RAD51B: variants seen among roughly 807,000 people sequenced by gnomAD.
RAD51B encodes DNA repair protein RAD51 homolog 2.
RAD51B carries 38 observed loss-of-function variants against 42.2 expected under a neutral mutation model. That is an observed-to-expected ratio of 0.90 (90% CI 0.70 to 1.18). The LOEUF is 1.18. Ranked by LOEUF, RAD51B falls within the 50% of genes most tolerant of loss-of-function variation. The pLI is 0.00. For synonymous variants in RAD51B, 154 were observed against 145.2 expected (o/e 1.06, Z -0.43); for missense variants, 373 against 400.7 (o/e 0.93, Z 0.59).
intron 3 of RAD51B, among the ~76,000 whole-genome samples, chr14:67,828,601 T>G (rs961608472): frequency 2.6e-5 from 4 of 151,960 alleles, no homozygotes; most frequent in African/African-American, 9.7e-5. Flanking sequence ...CAAGGTTTTG[T>G]TTTTTTTCCT....
Position 68,239,889 on chromosome 14 carries a change from G to A in RAD51B, c.757-51995G>A, listed in dbSNP as rs4346147. On this transcript the variant is annotated intron_variant, in intron 7 of 10. Coordinates refer to ENST00000471583, the MANE Select transcript of RAD51B (RefSeq NM_133510.4). Reference sequence around the variant, plus strand: ...TAATTTAATATCTAAATTAAAAAGTGAAAGGTCTTAGGTTGGATGTGAAAA... The same window carrying A: ...TAATTTAATATCTAAATTAAAAAGTAAAAGGTCTTAGGTTGGATGTGAAAA... Among the ~76,000 whole-genome samples the A allele has an allele frequency of 9.8e-3, 1,488 of 152,310 alleles. 21 individuals carry two copies. Among genetic ancestry groups the A allele is most frequent in the African/African-American group, 0.034 (1,427 of 41,564 alleles).
Position 68,210,868 on chromosome 14 carries a change from A to G in RAD51B, c.757-81016A>G, listed in dbSNP as rs549918326. On this transcript the variant is annotated intron_variant, in intron 7 of 10. Transcript: ENST00000471583. Reference sequence around the variant, plus strand: ...CAAGTAGGTCACTTCACCAAACAGAATTCTGTATGTATTACAGAAACTCCC... The same window carrying G: ...CAAGTAGGTCACTTCACCAAACAGAGTTCTGTATGTATTACAGAAACTCCC... Among the ~76,000 whole-genome samples the G allele has an allele frequency of 8.3e-4, 127 of 152,296 alleles. 2 individuals are homozygous for G. The Middle Eastern group carries it at 0.01, about 12-fold the overall frequency.
intron 8 of RAD51B, 71 bp downstream of exon 8, chr14:68,292,051 T>G (rs2081528324): frequency 7.3e-7 from 1 of 1,378,308 alleles, no homozygotes; most frequent in African/African-American, 1.4e-5. Context: ...CCACCTCCTG[T>G]TGAGAGCTGG....
At chr14:68,352,836 T>C (rs2082817692) in intron 8 of RAD51B, among the ~76,000 whole-genome samples, 1 of 152,200 alleles carries the variant, frequency 6.6e-6, no homozygotes, top group African/African-American at 2.4e-5. Flanking sequence ...TCTTATCTTT[T>C]CTGAGGACCC....
Position 68,429,599 on chromosome 14 carries a change from G to T in RAD51B, c.957+18072G>T, listed in dbSNP as rs867758367. 1.4e-4 allele frequency among the ~76,000 whole-genome samples: 21 copies of T among 152,090 alleles called. No individual in the cohort carries two copies. The Middle Eastern group carries it at 0.02, about 148-fold the overall frequency. On this transcript the variant is annotated intron_variant, in intron 9 of 10. Transcript: ENST00000471583. ...TATCCTTTGCCCACTTTTTGATGGGGTTTTTTTCCTGTAAATTTGTTTGAG... is the reference window on the plus strand; with the variant it reads ...TATCCTTTGCCCACTTTTTGATGGGTTTTTTTTCCTGTAAATTTGTTTGAG...
chr14:68,558,090 C>G (rs914386601), intron 10 of RAD51B, among the ~76,000 whole-genome samples: 1 of 152,374 alleles, frequency 6.6e-6, no homozygotes, highest in African/African-American at 2.4e-5. Context: ...TTCTCGTCCT[C>G]TCTCAGTCCC....
chr14:67,845,821 A>G (rs2041592747), intron 4 of RAD51B, among the ~76,000 whole-genome samples: 1 of 152,126 alleles, frequency 6.6e-6, no homozygotes, highest in Admixed American at 6.5e-5. Flanking sequence ...TTTGTAGGTG[A>G]CTTGCCCCTT....
At chr14:68,152,331 A>G (rs2078406139) in intron 7 of RAD51B, among the ~76,000 whole-genome samples, 1 of 151,998 alleles carries the variant, frequency 6.6e-6, no homozygotes, top group South Asian at 2.1e-4. Context: ...CAACTACTGG[A>G]CTCTAAAACA....
At chr14:68,615,814 T>C (rs1197509260), downstream of RAD51B, among the ~76,000 whole-genome samples, 3 of 152,238 alleles carry the variant, frequency 2.0e-5, no homozygotes, top group Admixed American at 6.5e-5. Flanking sequence ...TTTGTGTTTT[T>C]ATATTTAAAA....
chr14:68,258,371 C>T lies in RAD51B; in HGVS notation c.757-33513C>T, dbSNP rs60505104. Among the ~76,000 whole-genome samples the T allele has an allele frequency of 7.7e-3, 1,166 of 152,024 alleles. 12 individuals carry two copies. The highest frequency in any genetic ancestry group is 0.027 in the African/African-American group (1,129 of 41,444). ...AGCCATGATTGCACATGCCAGTGCA[C>T]TCCAGCCTGGGAGACCCTGTCTCTA... On this transcript the variant is annotated intron_variant, in intron 7 of 10. Transcript: ENST00000471583.
intron 7 of RAD51B, among the ~76,000 whole-genome samples, chr14:68,008,728 A>G (rs554722690): frequency 6.6e-6 from 1 of 152,160 alleles, no homozygotes; most frequent in African/African-American, 2.4e-5. Context: ...GATAGGAAGC[A>G]GTGTTGAAAT....
intron 8 of RAD51B, among the ~76,000 whole-genome samples, chr14:68,317,444 C>G (rs900403386): frequency 8.6e-5 from 13 of 151,932 alleles, no homozygotes; most frequent in African/African-American, 3.2e-4. Context: ...GTCATAAATT[C>G]TGTGGTAAAG....
At chr14:68,505,127 A>C (rs1257539091) in intron 10 of RAD51B, among the ~76,000 whole-genome samples, 3 of 152,226 alleles carry the variant, frequency 2.0e-5, no homozygotes, top group Non-Finnish European at 2.9e-5. Flanking sequence ...AACAGTTTTC[A>C]ACCTGGGATC....
At chr14:68,642,996 G>A (rs1310146717) in intron 10 of RAD51B, among the ~76,000 whole-genome samples, 1 of 106,164 alleles carries the variant, frequency 9.4e-6, no homozygotes, top group Non-Finnish European at 2.2e-5. Context: ...ATATGTTTAG[G>A]TGTGTTTCAT....
chr14:68,535,436 G>T (rs565126534), intron 10 of RAD51B, among the ~76,000 whole-genome samples: 4 of 126,678 alleles, frequency 3.2e-5, no homozygotes, highest in Admixed American at 3.1e-4. Flanking sequence ...TTTAGTTTCT[G>T]CATATTCCCA....
At chr14:67,992,501 A>G (rs992239043) in intron 7 of RAD51B, among the ~76,000 whole-genome samples, 1 of 152,202 alleles carries the variant, frequency 6.6e-6, no homozygotes, top group African/African-American at 2.4e-5. Flanking sequence ...GAAAGGGGGT[A>G]AAACTAGTTG....
chr14:68,207,346 T>C (rs1444873272), intron 7 of RAD51B, among the ~76,000 whole-genome samples: 1 of 152,234 alleles, frequency 6.6e-6, no homozygotes, highest in Non-Finnish European at 1.5e-5. Flanking sequence ...GGTTTCTTAC[T>C]TGCCCAATTC....
At chr14:68,541,357 A>G (rs1479966532) in intron 10 of RAD51B, 1 of 985,354 alleles carries the variant, frequency 1.0e-6, no homozygotes, top group Admixed American at 6.1e-5. Context: ...CCTTTCCAGC[A>G]GGAGAAATGC....
chr14:68,281,853 C>T (rs548901186), intron 7 of RAD51B, among the ~76,000 whole-genome samples: 5 of 152,284 alleles, frequency 3.3e-5, no homozygotes, highest in South Asian at 2.1e-4. Flanking sequence ...GAAAGCCTCA[C>T]GTTTCCCATT....
Sources: gnomAD v4.1 joint callset for allele counts (sites outside exome capture counted in the v4.1 genomes callset) on GRCh38, gnomAD v4.1.1 for gene constraint, MANE v1.5 for transcripts, NCBI Gene and HGNC (gene_info 2026-07-23, HGNC 2026-07-21) for gene names.